Variants in RPS6KC1 observed in about 807,000 individuals in gnomAD.
RPS6KC1 encodes inactive ribosomal protein S6 kinase delta-1.
In RPS6KC1, 54 loss-of-function variants were observed where a neutral mutation model predicts 103.8. The observed-to-expected ratio is 0.52, with a 90% CI of 0.42 to 0.65. RPS6KC1 has a LOEUF of 0.65. RPS6KC1 is among the 30% of genes least tolerant of loss of function. The pLI, the probability that RPS6KC1 is intolerant of heterozygous loss-of-function variation, is 0.00. For synonymous variants in RPS6KC1, 439 were observed against 438.7 expected (o/e 1.00, Z -0.01); for missense variants, 1,151 against 1,253.8 (o/e 0.92, Z 1.24).
intron 6 of RPS6KC1, among the ~76,000 whole-genome samples, chr1:213,134,645 A>G (rs934357802): frequency 1.3e-5 from 2 of 152,154 alleles, no homozygotes; most frequent in East Asian, 1.9e-4. Context: ...ATGACCTTGT[A>G]TGGAGCTTGG....
chr1:213,858,329 C>T, the RPS6KC1 span, among the ~76,000 whole-genome samples: 1 of 152,248 alleles, frequency 6.6e-6, no homozygotes, highest in Middle Eastern at 3.4e-3. Context: ...CAGTGACTAA[C>T]CCAGCAAGTG....
the RPS6KC1 span, among the ~76,000 whole-genome samples, chr1:213,816,493 G>A: frequency 2.0e-5 from 3 of 152,028 alleles, no homozygotes; most frequent in Non-Finnish European, 2.9e-5. Flanking sequence ...CTCCTGCCTC[G>A]CCACACTGAC....
At chr1:213,287,232 ATGTG>A in the RPS6KC1 span, among the ~76,000 whole-genome samples, 2,493 of 146,800 alleles carry the variant, frequency 0.017, 50 homozygotes, top group African/African-American at 0.046. Flanking sequence ...TGCCTATACA[ATGTG>A]TGTGTGTGTG....
the RPS6KC1 span, among the ~76,000 whole-genome samples, chr1:213,500,908 A>G: frequency 6.6e-6 from 1 of 152,204 alleles, no homozygotes. Flanking sequence ...ATACTAGAAA[A>G]CAGAAAAAGT....
chr1:213,182,112 A>G (rs970960847), intron 8 of RPS6KC1, among the ~76,000 whole-genome samples: 3 of 152,212 alleles, frequency 2.0e-5, no homozygotes, highest in African/African-American at 7.2e-5. Context: ...AAATGGTAAA[A>G]TGATGACACC....
At chr1:213,167,827 A>T (rs755024267) in intron 6 of RPS6KC1, 31 bp from the exon 7 acceptor site, 6 of 1,468,786 alleles carry the variant, frequency 4.1e-6, no homozygotes, top group Non-Finnish European at 4.7e-6. Context: ...AGGAAAATTT[A>T]TTTTTTACAT....
the RPS6KC1 span, among the ~76,000 whole-genome samples, chr1:213,403,097 C>T: frequency 1.3e-5 from 2 of 152,012 alleles, no homozygotes; most frequent in African/African-American, 4.8e-5. Flanking sequence ...CACTGCACTC[C>T]AGCCTGGGCG....
At chr1:213,862,445 A>G in the RPS6KC1 span, among the ~76,000 whole-genome samples, 1 of 152,190 alleles carries the variant, frequency 6.6e-6, no homozygotes, top group Non-Finnish European at 1.5e-5. Flanking sequence ...GAGGGCCAGA[A>G]GCACCAGAGC....
At chr1:213,232,314 T>C in intron 10 of RPS6KC1, 59 bp downstream of exon 10, 1 of 1,600,608 alleles carries the variant, frequency 6.2e-7, no homozygotes, top group South Asian at 1.1e-5. Flanking sequence ...TAGCTTCCAG[T>C]TTCTCTCTGT....
chr1:213,140,794 T>G (rs1438647881), intron 6 of RPS6KC1, among the ~76,000 whole-genome samples: 1 of 151,946 alleles, frequency 6.6e-6, no homozygotes, highest in African/African-American at 2.4e-5. Context: ...TGGTTTGAAA[T>G]GTTTTGGTAT....
At chr1:213,444,251 T>C in the RPS6KC1 span, among the ~76,000 whole-genome samples, 1 of 152,192 alleles carries the variant, frequency 6.6e-6, no homozygotes, top group Non-Finnish European at 1.5e-5. Context: ...ACCACCCTGA[T>C]GGCTTCATCT....
chr1:213,655,426 G>A, the RPS6KC1 span, among the ~76,000 whole-genome samples: 1 of 152,100 alleles, frequency 6.6e-6, no homozygotes, highest in Non-Finnish European at 1.5e-5. Flanking sequence ...CCTTGTGTTC[G>A]GACATCCAAC....
At chr1:213,201,922 C>A (rs1257627855) in intron 8 of RPS6KC1, among the ~76,000 whole-genome samples, 2 of 151,730 alleles carry the variant, frequency 1.3e-5, no homozygotes, top group Non-Finnish European at 1.5e-5. Context: ...GCTAGCTATT[C>A]CAGATGTGGG....
the RPS6KC1 span, among the ~76,000 whole-genome samples, chr1:213,721,129 T>C: frequency 1.3e-5 from 2 of 152,222 alleles, no homozygotes; most frequent in Non-Finnish European, 2.9e-5. Flanking sequence ...TGCCTGCTTT[T>C]CTAGACCTGT....
intron 12 of RPS6KC1, among the ~76,000 whole-genome samples, chr1:213,259,843 A>G (rs1229747903): frequency 6.8e-6 from 1 of 146,176 alleles, no homozygotes; most frequent in East Asian, 2.1e-4. Flanking sequence ...GGTTCAAGCG[A>G]TTCTCCTGCC....
chr1:213,653,597 T>C, the RPS6KC1 span, among the ~76,000 whole-genome samples: 1 of 152,254 alleles, frequency 6.6e-6, no homozygotes, highest in African/African-American at 2.4e-5. Context: ...CTCTTTAACC[T>C]ATCATTTGTA....
At chr1:213,336,518 C>T in the RPS6KC1 span, among the ~76,000 whole-genome samples, 1 of 152,098 alleles carries the variant, frequency 6.6e-6, no homozygotes, top group African/African-American at 2.4e-5. Context: ...AGAACAGAGG[C>T]CCTAAGGGTC....
the RPS6KC1 span, among the ~76,000 whole-genome samples, chr1:213,676,356 A>G: frequency 4.6e-5 from 7 of 152,140 alleles, no homozygotes; most frequent in East Asian, 1.9e-4. Context: ...TTGTGTCCCA[A>G]TGCTTAGGAG....
At chr1:213,630,517 G>C in the RPS6KC1 span, among the ~76,000 whole-genome samples, 1 of 151,962 alleles carries the variant, frequency 6.6e-6, no homozygotes, top group Admixed American at 6.6e-5. Flanking sequence ...CTTTGCCATG[G>C]GTTCGAACTT....
Sources: allele counts gnomAD v4.1 joint callset (sites outside exome capture counted in the v4.1 genomes callset), GRCh38; gene constraint gnomAD v4.1.1; transcripts MANE v1.5; gene names NCBI Gene and HGNC (gene_info 2026-07-23, HGNC 2026-07-21).